The following H2AC25 variants were observed in gnomAD, a reference collection of about 807,000 sequenced individuals.
H2AC25 encodes the protein H2A clustered histone 25, also known as histone H2A type 3.
At chr1:228,457,519 C>A in the H2AC25 span, 1 of 1,614,110 alleles carries the variant, frequency 6.2e-7, no homozygotes, top group Non-Finnish European at 8.5e-7. Context: ...GATGGTCACG[C>A]GGCCCAGCAG....
the H2AC25 span, chr1:228,457,843 G>T: frequency 5.1e-6 from 8 of 1,579,758 alleles, no homozygotes; most frequent in Non-Finnish European, 6.9e-6. Context: ...AAAAGACAAC[G>T]GCAACCGAAA....
chr1:228,457,383 C>G, the H2AC25 span: 3 of 1,610,906 alleles, frequency 1.9e-6, no homozygotes, highest in Non-Finnish European at 2.5e-6. Flanking sequence ...CTGAAAAGAG[C>G]CTTTATGTCC....
the H2AC25 span, chr1:228,457,756 C>T: frequency 6.2e-7 from 1 of 1,611,010 alleles, no homozygotes; most frequent in South Asian, 1.1e-5. Flanking sequence ...CAGCCCCGCG[C>T]GCGACGAGCG....
At chr1:228,457,867 A>C in the H2AC25 span, 1 of 1,562,858 alleles carries the variant, frequency 6.4e-7, no homozygotes, top group Non-Finnish European at 8.6e-7. Context: ...GAGACTAAAA[A>C]CAAGAGGGCA....
At chr1:228,457,650 G>T in the H2AC25 span, 1 of 1,613,746 alleles carries the variant, frequency 6.2e-7, no homozygotes, top group African/African-American at 1.3e-5. Flanking sequence ...TCAAGTACTC[G>T]AGCACCGCGG....
At chr1:228,457,796 CCTG>C in the H2AC25 span, 50 of 1,605,184 alleles carry the variant, frequency 3.1e-5, no homozygotes, top group Non-Finnish European at 4.2e-5. Flanking sequence ...GCCTTGCCAC[CCTG>C]CTTACCACGA....
chr1:228,457,474 A>G, the H2AC25 span: 1 of 1,614,100 alleles, frequency 6.2e-7, no homozygotes, highest in African/African-American at 1.3e-5. Context: ...GGGCAGCAGT[A>G]CGGCCTGGAT....
the H2AC25 span, chr1:228,457,727 C>G: frequency 6.2e-7 from 1 of 1,612,806 alleles, no homozygotes; most frequent in Non-Finnish European, 8.5e-7. Flanking sequence ...AACCGGTGCA[C>G]GCGGCCCACG....
chr1:228,457,439 C>A, the H2AC25 span: 2 of 1,613,952 alleles, frequency 1.2e-6, no homozygotes, highest in Non-Finnish European at 1.7e-6. Context: ...TTGCCCTTGG[C>A]CTTGTGGTGG....
At chr1:228,457,445 G>A in the H2AC25 span, 44 of 1,614,076 alleles carry the variant, frequency 2.7e-5, no homozygotes, top group South Asian at 4.4e-5. Flanking sequence ...TTGGCCTTGT[G>A]GTGGCTCTCC....
the H2AC25 span, chr1:228,457,784 G>A: frequency 6.2e-7 from 1 of 1,608,386 alleles, no homozygotes; most frequent in Non-Finnish European, 8.5e-7. Flanking sequence ...GCCTTGGCGC[G>A]CGCCTTGCCA....
the H2AC25 span, chr1:228,457,494 G>A: frequency 1.9e-6 from 3 of 1,614,132 alleles, no homozygotes; most frequent in Middle Eastern, 1.7e-4. Context: ...TGTTGGGCAG[G>A]ACGCCACCCT....
the H2AC25 span, chr1:228,457,639 G>C: frequency 1.2e-6 from 2 of 1,613,918 alleles, no homozygotes; most frequent in Non-Finnish European, 1.7e-6. Context: ...GATCTCGGCA[G>C]TCAAGTACTC....
At chr1:228,457,619 C>T in the H2AC25 span, 1 of 1,613,922 alleles carries the variant, frequency 6.2e-7, no homozygotes, top group Non-Finnish European at 8.5e-7. Context: ...GCGTTGCCGG[C>T]AAGCTCCAGG....
chr1:228,457,432 C>A, the H2AC25 span: 1 of 1,614,048 alleles, frequency 6.2e-7, no homozygotes, highest in Non-Finnish European at 8.5e-7. Context: ...GCCTCACTTG[C>A]CCTTGGCCTT....
the H2AC25 span, chr1:228,457,626 C>T: frequency 6.2e-7 from 1 of 1,613,914 alleles, no homozygotes; most frequent in Non-Finnish European, 8.5e-7. Context: ...CGGCAAGCTC[C>T]AGGATCTCGG....
At chr1:228,457,668 G>C in the H2AC25 span, 1 of 1,613,586 alleles carries the variant, frequency 6.2e-7, no homozygotes, top group Non-Finnish European at 8.5e-7. Flanking sequence ...CGGCCAGATA[G>C]ACCGGGGCGC....
At chr1:228,457,762 G>T in the H2AC25 span, 4 of 1,610,844 alleles carry the variant, frequency 2.5e-6, no homozygotes, top group African/African-American at 4.0e-5. Flanking sequence ...CGCGCGCGAC[G>T]AGCGCGACTT....
chr1:228,457,375 G>C, the H2AC25 span: 16 of 1,604,642 alleles, frequency 1.0e-5, 1 homozygote, highest in South Asian at 1.8e-4. Context: ...AGGTGGCTCT[G>C]AAAAGAGCCT....
Sources: gnomAD v4.1 joint callset for allele counts on GRCh38, gnomAD v4.1.1 for gene constraint, MANE v1.5 for transcripts, NCBI Gene and HGNC (gene_info 2026-07-23, HGNC 2026-07-21) for gene names.